Variants in APOA5 observed in about 807,000 individuals in gnomAD.
The protein encoded by APOA5 is apolipoprotein A5, also known as apolipoprotein A-V.
Under a neutral mutation model 31.8 loss-of-function variants are expected in APOA5, and 26 were observed. That is an observed-to-expected ratio of 0.82 (90% confidence interval 0.60 to 1.13). The LOEUF is 1.13. APOA5 is among the 50% of genes most tolerant of loss of function. APOA5 has a pLI of 0.00. For synonymous variants in APOA5, 186 were observed against 198.5 expected (o/e 0.94, Z 0.53); for missense variants, 450 against 488.0 (o/e 0.92, Z 0.73).
At chr11:116,791,967 C>T (rs1444627134), upstream of APOA5, 1 of 1,261,418 alleles carries the variant, frequency 7.9e-7, no homozygotes, top group Non-Finnish European at 1.1e-6. Context: ...GGGGCAACTG[C>T]CCGAAATCCT....
chr11:116,792,134 C>T (rs41318745), upstream of APOA5, among the ~76,000 whole-genome samples: 11 of 152,272 alleles, frequency 7.2e-5, no homozygotes, highest in East Asian at 2.1e-3. Flanking sequence ...GCTCTAACCC[C>T]TTCGCAAAGG....
chr11:116,790,978 C>T lies in APOA5; in HGVS notation c.251G>A (p.Arg84Gln). 4 of 1,612,730 alleles carry T rather than the reference C, an allele frequency of 2.5e-6. No individual in the cohort carries two copies. The highest frequency in any genetic ancestry group is 3.4e-6 in the Non-Finnish European group (4 of 1,179,618). Residue 84 changes from arginine (R) to glutamine (Q), a missense_variant, in exon 3 of 3, where the codon CGG becomes CAG. Coordinates refer to ENST00000227665, the MANE Select transcript of APOA5 (RefSeq NM_001371904.1). ...CATGCCCACCGGGTCCTGTGGGAGCCGAGGAGCCTCGCTCCCACTCAGAGG... is the reference window on the plus strand; with the variant it reads ...CATGCCCACCGGGTCCTGTGGGAGCTGAGGAGCCTCGCTCCCACTCAGAGG... ...LRPLSGSEAPRLPQDPVGMRR... is the reference protein window; with the variant it reads ...LRPLSGSEAPQLPQDPVGMRR...
Position 116,790,773 on chromosome 11 carries a change from G to C in APOA5, c.456C>G (p.Arg152=). 1.9e-6 allele frequency: 3 copies of C among 1,613,312 alleles called. No individual in the cohort carries two copies. The highest frequency in any genetic ancestry group is 2.5e-6 in the Non-Finnish European group (3 of 1,179,962). The part of the protein sequence containing the change: ...LRVQELQEQL[R]VVGEDTKAQL... ...GGGCCTTGGTGTCTTCCCCCACCAC[G>C]CGCAACTGCTCCTGCAGCTCCTGCA... The change falls in exon 3 of 3, where the codon CGC becomes CGG. Residue 152 remains arginine, a synonymous_variant. Coordinates refer to ENST00000227665, the MANE Select transcript of APOA5 (RefSeq NM_001371904.1).
upstream of APOA5, chr11:116,792,040 G>A (rs1209149299): frequency 3.0e-6 from 2 of 676,160 alleles, no homozygotes; most frequent in Non-Finnish European, 5.2e-6. Flanking sequence ...TGACCTAGGT[G>A]AGTCAAGGAG....
chr11:116,791,402 G>T, intron 2 of APOA5, 184 bp downstream of exon 2: 2 of 747,990 alleles, frequency 2.7e-6, no homozygotes, highest in Non-Finnish European at 4.6e-6. Context: ...AGTTGTCAAG[G>T]CGGGGGCTGC....
Position 116,790,967 on chromosome 11 carries a change from C to T in APOA5, c.262G>A (p.Asp88Asn). ...SGSEAPRLPQ[D>N]PVGMRRQLQE... ...AGCTGCCGCCGCATGCCCACCGGGT[C>T]CTGTGGGAGCCGAGGAGCCTCGCTC... The change falls in exon 3 of 3, where the codon GAC (aspartate) becomes AAC (asparagine). Residue 88 changes from aspartate (D) to asparagine (N), a missense_variant. Coordinates refer to ENST00000227665, the MANE Select transcript of APOA5 (RefSeq NM_001371904.1). The T allele has an allele frequency of 6.2e-7, 1 of 1,613,072 alleles. No individual in the cohort carries two copies. The highest frequency in any genetic ancestry group is 1.1e-5 in the South Asian group (1 of 91,066).
chr11:116,790,073 C>G lies in APOA5; in HGVS notation c.*55G>C. ...CAAGGACTGAACCATGCTAGAGGCT[C>G]AGAGCCAAGGCTCCCCAGACAAGGA... On this transcript the variant is annotated 3_prime_UTR_variant, in exon 3 of 3. Transcript: ENST00000227665. 3 of 1,579,142 alleles carry G rather than the reference C, an allele frequency of 1.9e-6. No individual in the cohort carries two copies. The highest frequency in any genetic ancestry group is 2.6e-6 in the Non-Finnish European group (3 of 1,157,310).
Position 116,790,313 on chromosome 11 carries a change from C to T in APOA5, c.916G>A (p.Glu306Lys), listed in dbSNP as rs1017843978. ...AGCTGCTGCTGGACCTCCTCAGTCT[C>T]CTGGTCGATGGCGCGAGTGAAGGCA... ...IAAFTRAIDQ[E>K]TEEVQQQLAP... The change falls in exon 3 of 3, where the codon GAG becomes AAG. Residue 306 changes from glutamate to lysine, a missense_variant. Transcript: ENST00000227665. The T allele has an allele frequency of 3.1e-6, 5 of 1,614,144 alleles. No homozygotes were observed. In the African/African-American group the frequency reaches 6.7e-5, roughly 22 times the overall value.
chr11:116,789,840 T>C lies in APOA5; in HGVS notation c.*288A>G, dbSNP rs1940959988. ...GATAATCACCCACATGCATGGTGCC[T>C]CTCCCTCCCTACTCCCTCACCCTTG... On this transcript the variant is annotated 3_prime_UTR_variant, in exon 3 of 3. Coordinates refer to ENST00000227665, the MANE Select transcript of APOA5 (RefSeq NM_001371904.1). The C allele has an allele frequency of 1.9e-6, 1 of 517,120 alleles. No individual in the cohort carries two copies. The highest frequency in any genetic ancestry group is 3.2e-5 in the Admixed American group (1 of 31,230). The allele number at this position is 517,120 out of a possible 1,614,324, so 32.0% of individuals were successfully genotyped here. A position where few individuals can be genotyped will look rare whatever the true frequency, so the allele number is the denominator to read the frequency against.
chr11:116,792,159 A>C (rs1941025486), upstream of APOA5, among the ~76,000 whole-genome samples: 1 of 152,152 alleles, frequency 6.6e-6, no homozygotes, highest in Non-Finnish European at 1.5e-5. Flanking sequence ...AGACCCCAGG[A>C]ACAGTTCTCT....
At position 116,790,353 on chromosome 11, in the gene APOA5, G is replaced by A. The variant is rs1432605319; in HGVS notation, c.876C>T (p.Thr292=). 1 of 1,613,968 alleles carries A rather than the reference G, an allele frequency of 6.2e-7. No homozygotes were observed. Among genetic ancestry groups the A allele is most frequent in the South Asian group, 1.1e-5 (1 of 91,090 alleles). The change falls in exon 3 of 3, where the codon ACC becomes ACT. Residue 292 remains threonine, a synonymous_variant. Coordinates refer to ENST00000227665, the MANE Select transcript of APOA5 (RefSeq NM_001371904.1). ...RQRLQAFRQD[T]YLQIAAFTRA... Reference sequence around the variant, plus strand: ...GAGTGAAGGCAGCTATCTGCAGGTAGGTGTCCTGGCGGAAAGCCTGAAGTC... The same window carrying A: ...GAGTGAAGGCAGCTATCTGCAGGTAAGTGTCCTGGCGGAAAGCCTGAAGTC...
chr11:116,790,014 A>G lies in APOA5; in HGVS notation c.*114T>C. On this transcript the variant is annotated 3_prime_UTR_variant, in exon 3 of 3. Transcript: ENST00000227665. ...CTTTGGTGGCCTCCCTGTCCTGCAC[A>G]GGACCTTCCACCCTCCACCCAACAG... is the stretch of plus-strand genomic sequence containing the variant. 2 of 1,176,686 alleles carry G rather than the reference A, an allele frequency of 1.7e-6. No individual in the cohort carries two copies. The highest frequency in any genetic ancestry group is 2.5e-6 in the Non-Finnish European group (2 of 810,288). The allele number at this position is 1,176,686 out of a possible 1,614,324, so 72.9% of individuals were successfully genotyped here.
At chr11:116,791,169 G>T in intron 2 of APOA5, 102 bp from the exon 3 acceptor site, 1 of 1,082,912 alleles carries the variant, frequency 9.2e-7, no homozygotes, top group South Asian at 1.3e-5. Context: ...AACCAAGGAC[G>T]CAGGGCGTTG....
chr11:116,791,723 G>A (rs1941017647), intron 1 of APOA5, 26 bp from the exon 2 acceptor site: 1 of 1,609,698 alleles, frequency 6.2e-7, no homozygotes, highest in Non-Finnish European at 8.5e-7. Flanking sequence ...AGGTAATCAG[G>A]GCCTGGGCTC....
intron 1 of APOA5, 54 bp downstream of exon 1, chr11:116,791,758 C>G: frequency 6.2e-7 from 1 of 1,613,794 alleles, no homozygotes. Context: ...GGACAGGGCC[C>G]TCTGGCCAGC....
At position 116,789,601 on chromosome 11, in the gene APOA5, A is replaced by G; in HGVS notation, c.*527T>C. On this transcript the variant is annotated 3_prime_UTR_variant, in exon 3 of 3. Coordinates refer to ENST00000227665, the MANE Select transcript of APOA5 (RefSeq NM_001371904.1). ...TTTCGTACCCACCAGCATCAGAGCC[A>G]GCAGGGATATTCACACACCATCACA... 1 of 219,308 alleles carries G rather than the reference A, an allele frequency of 4.6e-6. No individual in the cohort carries two copies. Among genetic ancestry groups the G allele is most frequent in the Non-Finnish European group, 9.2e-6 (1 of 108,334 alleles). The allele number at this position is 219,308 out of a possible 1,614,324, so 13.6% of individuals were successfully genotyped here. A position where few individuals can be genotyped will look rare whatever the true frequency, so the allele number is the denominator to read the frequency against.
intron 2 of APOA5, chr11:116,791,361 G>A: frequency 1.4e-6 from 1 of 702,676 alleles, no homozygotes; most frequent in Non-Finnish European, 2.6e-6. Context: ...CAGGTCCCGC[G>A]CCTCAGTGAG....
At chr11:116,792,123 T>A (rs552993548), upstream of APOA5, among the ~76,000 whole-genome samples, 2 of 152,208 alleles carry the variant, frequency 1.3e-5, no homozygotes, top group East Asian at 1.9e-4. Context: ...GGGAGCGTGG[T>A]GCTCTAACCC....
intron 2 of APOA5, 143 bp from the exon 3 acceptor site, chr11:116,791,210 C>G (rs774432354): frequency 3.3e-5 from 25 of 768,354 alleles, no homozygotes; most frequent in African/African-American, 2.4e-4. Flanking sequence ...TGTCCTAGCC[C>G]TGGCCAGTAA....
Sources: gnomAD v4.1 joint callset for allele counts (sites outside exome capture counted in the v4.1 genomes callset) on GRCh38, gnomAD v4.1.1 for gene constraint, MANE v1.5 for transcripts, NCBI Gene and HGNC (gene_info 2026-07-23, HGNC 2026-07-21) for gene names.